Variants in HVCN1 observed in about 807,000 individuals in gnomAD.
The protein encoded by HVCN1 is voltage-gated hydrogen channel 1.
A neutral mutation model predicts 29.2 loss-of-function variants in HVCN1; 14 were observed. The observed-to-expected ratio is 0.48, with a 90% confidence interval of 0.32 to 0.75. The LOEUF (loss-of-function observed/expected upper bound fraction) is 0.75. HVCN1 is among the 30% of genes least tolerant of loss of function. HVCN1 has a pLI of 0.04. For synonymous variants in HVCN1, 131 were observed against 133.2 expected (o/e 0.98, Z 0.11); for missense variants, 263 against 341.8 (o/e 0.77, Z 1.82).
chr12:110,649,192 T>C lies in HVCN1; in HGVS notation c.*218A>G. Reference sequence around the variant, plus strand: ...AAGTGTTCAACATGAGAAAATGTGATACATTTGATACAGTGTGGGGTGGGA... The same window carrying C: ...AAGTGTTCAACATGAGAAAATGTGACACATTTGATACAGTGTGGGGTGGGA... On this transcript the variant is annotated 3_prime_UTR_variant, in exon 8 of 8. Transcript: ENST00000242607. 1 of 683,562 alleles carries C rather than the reference T, an allele frequency of 1.5e-6. No individual in the cohort carries two copies. The highest frequency in any genetic ancestry group is 2.7e-6 in the Non-Finnish European group (1 of 377,158). 42.3% of individuals were successfully genotyped at this position (683,562 alleles called of 1,614,324 possible). A position where few individuals can be genotyped will look rare whatever the true frequency, so the allele number is the denominator to read the frequency against.
At chr12:110,657,544 T>G (rs2068031472) in intron 4 of HVCN1, among the ~76,000 whole-genome samples, 1 of 149,866 alleles carries the variant, frequency 6.7e-6, no homozygotes, top group South Asian at 2.1e-4. Context: ...TGGAACTAGA[T>G]AGTGGTGACT....
At position 110,655,297 on chromosome 12, in the gene HVCN1, C is replaced by T. The variant is rs775676804; in HGVS notation, c.348G>A (p.Val116=). 23 of 1,613,822 alleles carry T rather than the reference C, an allele frequency of 1.4e-5. No individual in the cohort carries two copies. The highest frequency in any genetic ancestry group is 1.7e-5 in the Non-Finnish European group (20 of 1,179,992). Residue 116 remains valine, a synonymous_variant, in exon 5 of 8, where the codon GTG becomes GTA. Transcript: ENST00000242607. ...ICLVVLDALL[V]LAELILDLKI... ...TCAGGTCCAGGATGAGCTCAGCAAG[C>T]ACCAGGAGGGCATCCAGAACCACCA...
At chr12:110,699,692 G>T (rs946984196) in intron 2 of HVCN1, among the ~76,000 whole-genome samples, 1 of 152,036 alleles carries the variant, frequency 6.6e-6, no homozygotes, top group East Asian at 1.9e-4. Flanking sequence ...TAACAGCGCC[G>T]CTGCCCCTCC....
chr12:110,650,123 G>T (rs745938066), intron 7 of HVCN1, 45 bp downstream of exon 7: 6 of 1,324,894 alleles, frequency 4.5e-6, no homozygotes, highest in Admixed American at 1.7e-5. Flanking sequence ...AGGATTACAG[G>T]CATGAGCCAC....
chr12:110,693,689 G>A (rs2069448024), upstream of HVCN1, among the ~76,000 whole-genome samples: 1 of 151,962 alleles, frequency 6.6e-6, no homozygotes, highest in Admixed American at 6.6e-5. Flanking sequence ...AGTAGTTACT[G>A]AGCCAGCTGT....
At chr12:110,704,858 C>T (rs963945594) in intron 1 of HVCN1, 1 of 152,244 alleles carries the variant, frequency 6.6e-6, no homozygotes, top group South Asian at 2.1e-4. Context: ...GGCCTAGGGT[C>T]CACTGAGCTC....
intron 3 of HVCN1, among the ~76,000 whole-genome samples, chr12:110,664,886 C>A (rs2068291798): frequency 6.6e-6 from 1 of 152,140 alleles, no homozygotes. Context: ...GTGAGCTGAA[C>A]AACTACCAGA....
At chr12:110,700,814 T>C (rs1234741734) in intron 2 of HVCN1, among the ~76,000 whole-genome samples, 4 of 152,250 alleles carry the variant, frequency 2.6e-5, no homozygotes, top group Admixed American at 6.5e-5. Context: ...TGCTGTCTTC[T>C]GTTTTTCCCT....
intron 3 of HVCN1, chr12:110,682,964 C>CA (rs374770633): frequency 0.19 from 56,192 of 300,352 alleles, 628 homozygotes; most frequent in South Asian, 0.24. Flanking sequence ...AACTCCATCT[C>CA]AAAAAAAAAA....
At chr12:110,666,220 C>T (rs2068346315) in intron 3 of HVCN1, among the ~76,000 whole-genome samples, 1 of 151,984 alleles carries the variant, frequency 6.6e-6, no homozygotes, top group African/African-American at 2.4e-5. Context: ...AGATTGAGAC[C>T]ATCCTGGCTA....
At chr12:110,678,040 T>C (rs1458950032) in intron 3 of HVCN1, among the ~76,000 whole-genome samples, 1 of 152,250 alleles carries the variant, frequency 6.6e-6, no homozygotes, top group Non-Finnish European at 1.5e-5. Context: ...TAATATTTTC[T>C]GAGCTCTGTG....
chr12:110,695,952 ATT>A (rs200611942), intron 2 of HVCN1, among the ~76,000 whole-genome samples: 12 of 137,104 alleles, frequency 8.8e-5, no homozygotes, highest in Admixed American at 2.2e-4. Flanking sequence ...GGATCGTTTG[ATT>A]TTTTTTTTTT....
At position 110,649,124 on chromosome 12, in the gene HVCN1, C is replaced by G. The variant is rs1307652364; in HGVS notation, c.*286G>C. 4.5e-6 allele frequency: 3 copies of G among 661,576 alleles called. No homozygotes were observed. The South Asian group carries it at 4.6e-5, about 10-fold the overall frequency. 41.0% of individuals were successfully genotyped at this position (661,576 alleles called of 1,614,324 possible). A position where few individuals can be genotyped will look rare whatever the true frequency, so the allele number is the denominator to read the frequency against. On this transcript the variant is annotated 3_prime_UTR_variant, in exon 8 of 8. Transcript: ENST00000242607. The stretch of plus-strand genomic sequence containing the variant: ...CGGTGAGATTAAATTTTATATACAA[C>G]TAGCAATTGTCCAGCTTTGTTGCTC...
chr12:110,665,323 C>T (rs557479678), intron 3 of HVCN1, among the ~76,000 whole-genome samples: 228 of 152,058 alleles, frequency 1.5e-3, no homozygotes, highest in Middle Eastern at 0.01. Flanking sequence ...TTTGGGAGGC[C>T]GAGGTGGGCA....
In HVCN1 at chr12:110,661,479, C is replaced by T. The variant is rs2068169955; in HGVS notation, c.22-31G>A. 1 of 1,603,636 alleles carries T rather than the reference C, an allele frequency of 6.2e-7. No homozygotes were observed. The highest frequency in any genetic ancestry group is 1.1e-5 in the South Asian group (1 of 89,698). On this transcript the variant is annotated intron_variant, in intron 3 of 7. Transcript: ENST00000242607. The surrounding 1 kb of genome is among the most constrained non-coding windows in gnomAD (Gnocchi z 6.2). Reference sequence around the variant, plus strand: ...AGGCGGGGACAGAGAGCAAGAGCTTCAGGCAGTTGGCCACTCAGAGCCCAC... The same window carrying T: ...AGGCGGGGACAGAGAGCAAGAGCTTTAGGCAGTTGGCCACTCAGAGCCCAC...
chr12:110,700,966 T>C (rs1432472928), intron 2 of HVCN1, among the ~76,000 whole-genome samples: 1 of 152,206 alleles, frequency 6.6e-6, no homozygotes, highest in Non-Finnish European at 1.5e-5. Context: ...AAGTCTCAGC[T>C]GGGACTACTA....
intron 4 of HVCN1, among the ~76,000 whole-genome samples, chr12:110,659,031 AG>A (rs1365286791): frequency 6.6e-6 from 1 of 152,168 alleles, no homozygotes; most frequent in Non-Finnish European, 1.5e-5. Context: ...CCTGAAATTG[AG>A]GGTTTGGGAT....
intron 2 of HVCN1, among the ~76,000 whole-genome samples, chr12:110,698,102 G>T (rs561465184): frequency 1.7e-4 from 26 of 152,290 alleles, no homozygotes; most frequent in Admixed American, 7.2e-4. Flanking sequence ...AGAGACAGAG[G>T]GGGTGCTGCT....
upstream of HVCN1, among the ~76,000 whole-genome samples, chr12:110,690,501 C>A (rs549210829): frequency 6.6e-6 from 1 of 151,960 alleles, no homozygotes; most frequent in Non-Finnish European, 1.5e-5. Flanking sequence ...TTTTTTGGAA[C>A]GGAGTCTCAC....
Sources: allele counts gnomAD v4.1 joint callset (sites outside exome capture counted in the v4.1 genomes callset), GRCh38; gene constraint gnomAD v4.1.1; non-coding constraint Gnocchi (gnomAD v3.1); transcripts MANE v1.5; gene names NCBI Gene and HGNC (gene_info 2026-07-23, HGNC 2026-07-21).